Variants in SLC20A2 observed in about 807,000 individuals in gnomAD.
The protein encoded by SLC20A2 is sodium-dependent phosphate transporter 2.
A neutral mutation model predicts 61.0 loss-of-function variants in SLC20A2; 30 were observed. That is an observed-to-expected ratio of 0.49 (90% CI 0.37 to 0.67). The LOEUF (loss-of-function observed/expected upper bound fraction) is 0.67, where lower values mean the gene tolerates loss of function less well. Among genes scored for constraint, SLC20A2 ranks in the 30% least tolerant of loss-of-function variants. The probability of loss-of-function intolerance (pLI) is 0.00; values close to 1 mark genes in which losing one functional copy is unlikely to be tolerated. For missense variants in SLC20A2, 626 were observed against 866.4 expected, an observed-to-expected ratio of 0.72 and a Z score of 3.48; for synonymous variants, 351 against 353.3, an observed-to-expected ratio of 0.99 and a Z score of 0.07.
chr8:42,471,277 G>A, intron 2 of SLC20A2: 1 of 455,148 alleles, frequency 2.2e-6, no homozygotes, highest in Non-Finnish European at 4.4e-6. Flanking sequence ...TTCTGTCGTA[G>A]CGAGGGCAGT....
Position 42,472,582 on chromosome 8 carries a change from G to A in SLC20A2, c.-192C>T. ...AAACTACTGTCAGGACAGTTCATTT[G>A]GTTGTGTTCAGTCAGCGGTAAAACA... On this transcript the variant is annotated 5_prime_UTR_variant, in exon 2 of 11. An upstream open reading frame in the 5' UTR gains an earlier in-frame stop. Coordinates refer to ENST00000520262, the MANE Select transcript of SLC20A2 (RefSeq NM_001257180.2). The surrounding 1 kb of genome is among the most constrained non-coding windows in gnomAD (Gnocchi z 4.1). 1 of 573,968 alleles carries A rather than the reference G, an allele frequency of 1.7e-6. No homozygotes were observed. The highest frequency in any genetic ancestry group is 3.1e-6 in the Non-Finnish European group (1 of 325,586). The allele number at this position is 573,968 out of a possible 1,614,324, so 35.6% of individuals were successfully genotyped here.
intron 1 of SLC20A2, among the ~76,000 whole-genome samples, chr8:42,511,623 T>C (rs1178277044): frequency 2.1e-5 from 3 of 145,532 alleles, no homozygotes; most frequent in African/African-American, 7.6e-5. Context: ...CAAGACTCCA[T>C]CTCAAAAAAA....
chr8:42,469,550 T>C (rs1351479050), intron 2 of SLC20A2, among the ~76,000 whole-genome samples: 2 of 152,192 alleles, frequency 1.3e-5, no homozygotes, highest in Non-Finnish European at 2.9e-5. Context: ...ACGGAGGTCT[T>C]CAGCGTGGCT....
chr8:42,431,868 G>A (rs1563446672), intron 8 of SLC20A2, among the ~76,000 whole-genome samples: 1 of 152,188 alleles, frequency 6.6e-6, no homozygotes, highest in Non-Finnish European at 1.5e-5. Context: ...TAAGCCTACT[G>A]TTGAGACCTA....
At chr8:42,479,975 A>G (rs1051673786) in intron 1 of SLC20A2, among the ~76,000 whole-genome samples, 13 of 152,214 alleles carry the variant, frequency 8.5e-5, no homozygotes, top group African/African-American at 3.1e-4. Context: ...GCAAATAGGC[A>G]AAGACTTTGA....
intron 5 of SLC20A2, among the ~76,000 whole-genome samples, chr8:42,454,239 T>C (rs1042617982): frequency 6.6e-6 from 1 of 152,200 alleles, no homozygotes. Context: ...CCTGACCTCA[T>C]GATCCGCCCG....
At chr8:42,427,500 C>T (rs1424332096) in intron 10 of SLC20A2, among the ~76,000 whole-genome samples, 6 of 152,178 alleles carry the variant, frequency 3.9e-5, no homozygotes, top group Admixed American at 2.6e-4. Flanking sequence ...GGAGAGGGAA[C>T]GGTGTGCCAT....
chr8:42,536,979 G>A (rs1277401115), intron 1 of SLC20A2, among the ~76,000 whole-genome samples: 1 of 151,988 alleles, frequency 6.6e-6, no homozygotes. Context: ...GGAGGCTGAG[G>A]CAGAAGAATT....
At chr8:42,522,907 GGT>G (rs58042427) in intron 1 of SLC20A2, among the ~76,000 whole-genome samples, 49,349 of 124,644 alleles carry the variant, frequency 0.4, 10,719 homozygotes, top group Non-Finnish European at 0.46. Context: ...GAGATGGCGG[GGT>G]GGGGGGGGTC....
chr8:42,521,201 T>A (rs1444027541), intron 1 of SLC20A2, among the ~76,000 whole-genome samples: 1 of 121,628 alleles, frequency 8.2e-6, no homozygotes, highest in African/African-American at 2.5e-5. Context: ...ATAACCCAAA[T>A]GTCCTTCAAT....
At chr8:42,517,489 T>C (rs1233562757) in intron 1 of SLC20A2, among the ~76,000 whole-genome samples, 1 of 152,158 alleles carries the variant, frequency 6.6e-6, no homozygotes, top group Non-Finnish European at 1.5e-5. Context: ...ATTGACAATA[T>C]ATTATCAATT....
chr8:42,508,892 C>G (rs1220296657), intron 1 of SLC20A2, among the ~76,000 whole-genome samples: 1 of 152,180 alleles, frequency 6.6e-6, no homozygotes, highest in Non-Finnish European at 1.5e-5. Context: ...TTTTCCAAAT[C>G]TAGGCTATAA....
At chr8:42,484,947 A>T (rs951336283) in intron 1 of SLC20A2, 4 of 392,898 alleles carry the variant, frequency 1.0e-5, no homozygotes, top group Non-Finnish European at 1.5e-5. Context: ...CAAGAGGTGA[A>T]CAGGGCACAC....
chr8:42,510,814 C>T (rs1810988632), intron 1 of SLC20A2, among the ~76,000 whole-genome samples: 1 of 151,218 alleles, frequency 6.6e-6, no homozygotes, highest in Admixed American at 6.6e-5. Flanking sequence ...AAAAATGACT[C>T]AATGCACATA....
At chr8:42,459,420 C>T (rs757675578) in intron 5 of SLC20A2, among the ~76,000 whole-genome samples, 7 of 151,996 alleles carry the variant, frequency 4.6e-5, no homozygotes, top group Non-Finnish European at 8.8e-5. Flanking sequence ...GTGCTGTGAA[C>T]GGCTTTAGAG....
At chr8:42,509,938 T>A (rs1001079094) in intron 1 of SLC20A2, among the ~76,000 whole-genome samples, 1 of 152,200 alleles carries the variant, frequency 6.6e-6, no homozygotes, top group African/African-American at 2.4e-5. Flanking sequence ...TTTATTACTA[T>A]GCAAGCTAAT....
intron 1 of SLC20A2, chr8:42,534,911 A>G (rs982273097): frequency 1.3e-5 from 2 of 152,218 alleles, no homozygotes; most frequent in Non-Finnish European, 1.5e-5. Context: ...CTCTGAGCCT[A>G]AGTAAATTAC....
chr8:42,417,896 G>A lies in SLC20A2; in HGVS notation c.1866C>T (p.Ile622=). The A allele has an allele frequency of 6.2e-7, 1 of 1,614,054 alleles. No homozygotes were observed. The highest frequency in any genetic ancestry group is 1.1e-5 in the South Asian group (1 of 91,066). ...KAVDWRLFRN[I]FVAWFVTVPV... is the part of the protein sequence containing the mutation. ...GGACGGTCACGAACCAGGCCACGAA[G>A]ATGTTCCGAAAGAGGCGCCAGTCCA... The change falls in exon 11 of 11, where the codon ATC becomes ATT. Residue 622 remains isoleucine, a synonymous_variant. Coordinates refer to ENST00000520262, the MANE Select transcript of SLC20A2 (RefSeq NM_001257180.2).
intron 5 of SLC20A2, among the ~76,000 whole-genome samples, chr8:42,449,704 G>C (rs572489731): frequency 6.6e-6 from 1 of 152,212 alleles, no homozygotes; most frequent in South Asian, 2.1e-4. Context: ...AATATCAGCA[G>C]TACCTACAAA....
Sources: allele counts gnomAD v4.1 joint callset (sites outside exome capture counted in the v4.1 genomes callset), GRCh38; gene constraint gnomAD v4.1.1; non-coding constraint Gnocchi (gnomAD v3.1); transcripts MANE v1.5; gene names NCBI Gene and HGNC (gene_info 2026-07-23, HGNC 2026-07-21).